Variants in FRY observed in about 807,000 individuals in gnomAD.
The protein encoded by FRY is protein furry homolog.
Under a neutral mutation model 348.4 loss-of-function variants are expected in FRY, and 128 were observed. The observed-to-expected ratio is 0.37, with a 90% CI of 0.32 to 0.43. FRY has a LOEUF of 0.43. Among genes scored for constraint, FRY ranks in the 20% least tolerant of loss-of-function variants. The pLI is 1.00. For missense variants in FRY, 2,736 were observed against 3,695.2 expected, an observed-to-expected ratio of 0.74 and a Z score of 6.73; for synonymous variants, 1,370 against 1,374.7, an observed-to-expected ratio of 1.00 and a Z score of 0.08.
Position 32,124,807 on chromosome 13 carries a change from C to A in FRY, c.648C>A (p.Pro216=). Residue 216 remains proline (P), a synonymous_variant, in exon 7 of 61, where the codon CCC becomes CCA. Transcript: ENST00000542859. ...ATACCCTACTTAGGTACCTTGGTCC[C>A]AACACTGGCAATATGCATATTGTGG... The part of the protein sequence containing the change: ...HFKYKEGYLG[P]NTGNMHIVAD... 6.2e-7 allele frequency: 1 copy of A among 1,611,932 alleles called. No homozygotes were observed. The highest frequency in any genetic ancestry group is 8.5e-7 in the Non-Finnish European group (1 of 1,177,968).
In FRY at chr13:32,239,432, G is replaced by C; in HGVS notation, c.6516+83G>C. 1.2e-6 allele frequency: 1 copy of C among 848,576 alleles called. No individual in the cohort carries two copies. The highest frequency in any genetic ancestry group is 2.1e-6 in the Non-Finnish European group (1 of 482,252). 52.6% of individuals were successfully genotyped at this position (848,576 alleles called of 1,614,324 possible). On this transcript the variant is annotated intron_variant, in intron 45 of 60. Transcript: ENST00000542859. This position sits in a 1 kb window ranked among gnomAD's most constrained non-coding sequence, Gnocchi z 4.3. ...TGTCAGGCAAATTACAAGGCCCAGAGATGGCAGTGATTTTCTCAAAAACTG... is the reference window on the plus strand; with the variant it reads ...TGTCAGGCAAATTACAAGGCCCAGACATGGCAGTGATTTTCTCAAAAACTG...
chr13:32,289,583 G>T, intron 58 of FRY, 50 bp from the exon 59 acceptor site: 1 of 1,119,978 alleles, frequency 8.9e-7, no homozygotes, highest in Non-Finnish European at 1.4e-6. Flanking sequence ...AGTTATATGT[G>T]AATGATCTTT....
Position 32,119,979 on chromosome 13 carries a change from C to G in FRY, c.464+2506C>G, listed in dbSNP as rs539329734. Among the ~76,000 whole-genome samples the G allele has an allele frequency of 4.6e-5, 7 of 152,194 alleles. No homozygotes were observed. The South Asian group carries it at 1.4e-3, about 32-fold the overall frequency. Reference sequence around the variant, plus strand: ...AAAGTTACAGAGCACTCCAGAAGGTCTTCTTTATATCTTAAATATCACATT... The same window carrying G: ...AAAGTTACAGAGCACTCCAGAAGGTGTTCTTTATATCTTAAATATCACATT... On this transcript the variant is annotated intron_variant, in intron 4 of 60. Transcript: ENST00000542859.
At chr13:32,227,756 T>G (rs891783188) in intron 39 of FRY, among the ~76,000 whole-genome samples, 8 of 150,760 alleles carry the variant, frequency 5.3e-5, no homozygotes, top group Non-Finnish European at 7.4e-5. Context: ...ACATGGTTTT[T>G]TTTTTTTTTT....
At chr13:32,070,243 TG>T (rs1566054233) in intron 1 of FRY, among the ~76,000 whole-genome samples, 1 of 152,214 alleles carries the variant, frequency 6.6e-6, no homozygotes, top group Non-Finnish European at 1.5e-5. Flanking sequence ...ATGGTATTGC[TG>T]GGTCAAATGG....
chr13:32,121,930 TA>T (rs1311594856), intron 4 of FRY, among the ~76,000 whole-genome samples: 18 of 152,334 alleles, frequency 1.2e-4, no homozygotes, highest in Non-Finnish European at 7.3e-5. Flanking sequence ...TTTAAGTCCT[TA>T]ATCCATCTTG....
At chr13:32,084,831 A>G (rs1410367009) in intron 2 of FRY, among the ~76,000 whole-genome samples, 6 of 152,266 alleles carry the variant, frequency 3.9e-5, no homozygotes, top group South Asian at 2.1e-4. Flanking sequence ...GTGTTAGCCT[A>G]TAAGTTCCTT....
At position 32,136,985 on chromosome 13, in the gene FRY, C is replaced by T. The variant is rs757058745; in HGVS notation, c.1179+13C>T. ...GTCCAACCTTAAAGTTAGTATTTGT[C>T]AGCTCAAAAACGATCTCTTTAAAAA... On this transcript the variant is annotated intron_variant, in intron 11 of 60. Transcript: ENST00000542859. The T allele has an allele frequency of 6.3e-6, 9 of 1,431,950 alleles. No homozygotes were observed. The highest frequency in any genetic ancestry group is 8.9e-6 in the Non-Finnish European group (9 of 1,013,400). The allele number at this position is 1,431,950 out of a possible 1,614,324, so 88.7% of individuals were successfully genotyped here. A position where few individuals can be genotyped will look rare whatever the true frequency, so the allele number is the denominator to read the frequency against.
At chr13:32,089,495 G>A (rs1383430760) in intron 2 of FRY, among the ~76,000 whole-genome samples, 1 of 152,092 alleles carries the variant, frequency 6.6e-6, no homozygotes, top group Non-Finnish European at 1.5e-5. Flanking sequence ...GGGCACAGTG[G>A]CTCACACCTG....
At chr13:32,094,080 T>C (rs1297073293) in intron 2 of FRY, among the ~76,000 whole-genome samples, 3 of 152,238 alleles carry the variant, frequency 2.0e-5, no homozygotes, top group African/African-American at 7.2e-5. Flanking sequence ...CTAATTTTGC[T>C]TTACTACTTA....
Position 32,273,222 on chromosome 13 carries a change from CTTT to C in FRY, c.8137-1603_8137-1601del, listed in dbSNP as rs552249398. Among the ~76,000 whole-genome samples the C allele has an allele frequency of 2.3e-3, 286 of 124,144 alleles. 1 individual carries two copies. Among genetic ancestry groups the C allele is most frequent in the African/African-American group, 8.3e-3 (266 of 32,082 alleles). The allele number at this position is 124,144 out of a possible 152,430, so 81.4% of individuals were successfully genotyped here. On this transcript the variant is annotated intron_variant, in intron 55 of 60. Coordinates refer to ENST00000542859, the MANE Select transcript of FRY (RefSeq NM_023037.3). ...ACCTTAAGCGAGTCATTTAACTGTT[CTTT>C]TTTTTTTTTTTTTTTTGAGACGGAG...
At position 32,298,323 on chromosome 13, in the gene FRY, G is replaced by C. The variant is rs532400704; in HGVS notation, c.*2863G>C. 6.6e-6 allele frequency: 1 copy of C among 152,188 alleles called. No individual in the cohort carries two copies. 9.4% of individuals were successfully genotyped at this position (152,188 alleles called of 1,614,324 possible). A position where few individuals can be genotyped will look rare whatever the true frequency, so the allele number is the denominator to read the frequency against. ...TGCCTGCCTTAACAACAAAAAATTC[G>C]TGTCCATAGGTGAGTATTAGGGTAT... On this transcript the variant is annotated 3_prime_UTR_variant, in exon 61 of 61. Transcript: ENST00000542859.
At chr13:32,195,412 AT>A (rs1254773701) in intron 29 of FRY, among the ~76,000 whole-genome samples, 1 of 152,114 alleles carries the variant, frequency 6.6e-6, no homozygotes, top group Non-Finnish European at 1.5e-5. Context: ...TTTTTTTTAA[AT>A]TTTCAGATAT....
intron 58 of FRY, among the ~76,000 whole-genome samples, chr13:32,282,743 CAAAG>C (rs1349655059): frequency 6.6e-6 from 1 of 152,180 alleles, no homozygotes; most frequent in Non-Finnish European, 1.5e-5. Context: ...CTAAGTATAA[CAAAG>C]AAAGTTTATG....
At chr13:32,197,941 T>A (rs1440485252) in intron 29 of FRY, among the ~76,000 whole-genome samples, 2 of 152,230 alleles carry the variant, frequency 1.3e-5, no homozygotes, top group East Asian at 3.8e-4. Context: ...GCTGTCTTTA[T>A]CTTTTACCCT....
chr13:32,107,213 C>T lies in FRY; in HGVS notation c.324+5197C>T, dbSNP rs142214707. 6.4e-3 allele frequency among the ~76,000 whole-genome samples: 978 copies of T among 152,258 alleles called. 12 individuals carry two copies. Among genetic ancestry groups the T allele is most frequent in the African/African-American group, 0.023 (939 of 41,556 alleles). On this transcript the variant is annotated intron_variant, in intron 3 of 60. Transcript: ENST00000542859. ...CTCTACTAAAAATACAAAAATTAGC[C>T]AGACGTGGTGGCACGTGCCTGTAAT...
chr13:32,046,933 T>A (rs1873045517), intron 1 of FRY, among the ~76,000 whole-genome samples: 1 of 152,220 alleles, frequency 6.6e-6, no homozygotes, highest in Non-Finnish European at 1.5e-5. Context: ...ACTGTTACGA[T>A]CATGTGCTTT....
intron 11 of FRY, among the ~76,000 whole-genome samples, chr13:32,144,237 A>G (rs1435039613): frequency 1.3e-5 from 2 of 151,408 alleles, no homozygotes; most frequent in Non-Finnish European, 2.9e-5. Flanking sequence ...AAAAACTTCT[A>G]CATAAATGTG....
At chr13:32,263,002 C>A (rs1942933087) in intron 53 of FRY, among the ~76,000 whole-genome samples, 1 of 152,184 alleles carries the variant, frequency 6.6e-6, no homozygotes. Flanking sequence ...TTGCCAGAGT[C>A]TGTGAGGAGA....
Sources: allele counts gnomAD v4.1 joint callset (sites outside exome capture counted in the v4.1 genomes callset), GRCh38; gene constraint gnomAD v4.1.1; non-coding constraint Gnocchi (gnomAD v3.1); transcripts MANE v1.5; gene names NCBI Gene and HGNC (gene_info 2026-07-23, HGNC 2026-07-21).